Variants in ZFAND4 observed in about 807,000 individuals in gnomAD.
ZFAND4 encodes the protein zinc finger AN1-type containing 4, also known as AN1-type zinc finger protein 4.
Under a neutral mutation model 64.4 loss-of-function variants are expected in ZFAND4, and 43 were observed. The observed-to-expected ratio is 0.67, with a 90% confidence interval of 0.52 to 0.86. ZFAND4 has a LOEUF of 0.86. ZFAND4 is among the 40% of genes least tolerant of loss of function. The probability of loss-of-function intolerance (pLI) is 0.00; values close to 1 mark genes in which losing one functional copy is unlikely to be tolerated. For missense variants in ZFAND4, 929 were observed against 859.8 expected (o/e 1.08, Z -1.01); for synonymous variants, 296 against 305.7 (o/e 0.97, Z 0.33).
At chr10:45,652,433 A>ACT (rs2047817813) in intron 3 of ZFAND4, among the ~76,000 whole-genome samples, 1 of 152,212 alleles carries the variant, frequency 6.6e-6, no homozygotes, top group African/African-American at 2.4e-5. Context: ...GTGCTCTTAC[A>ACT]GCTATTCCAC....
At chr10:45,656,855 T>C (rs1327405036) in intron 2 of ZFAND4, among the ~76,000 whole-genome samples, 1 of 152,068 alleles carries the variant, frequency 6.6e-6, no homozygotes, top group Non-Finnish European at 1.5e-5. Flanking sequence ...TGAGAGGATG[T>C]AGAAAGAAAA....
At chr10:45,641,584 A>G (rs1214350208) in intron 5 of ZFAND4, among the ~76,000 whole-genome samples, 1 of 152,198 alleles carries the variant, frequency 6.6e-6, no homozygotes, top group Non-Finnish European at 1.5e-5. Flanking sequence ...CATCTGAAGG[A>G]AGAATGTAGG....
At chr10:45,627,485 C>T (rs2045915207) in intron 6 of ZFAND4, among the ~76,000 whole-genome samples, 1 of 148,096 alleles carries the variant, frequency 6.8e-6, no homozygotes, top group African/African-American at 2.5e-5. Flanking sequence ...AAAAAGTTAT[C>T]AATCCTAAAA....
chr10:45,633,351 A>G (rs543959334), intron 6 of ZFAND4, among the ~76,000 whole-genome samples: 17 of 152,276 alleles, frequency 1.1e-4, no homozygotes, highest in African/African-American at 4.1e-4. Context: ...ATAAAATGCT[A>G]TAAAGTAGAA....
At chr10:45,620,424 T>C (rs1008610572) in intron 8 of ZFAND4, among the ~76,000 whole-genome samples, 1 of 152,118 alleles carries the variant, frequency 6.6e-6, no homozygotes, top group East Asian at 1.9e-4. Context: ...GAGGTTGCAG[T>C]GAGCCGAGAT....
chr10:45,632,693 C>T (rs1180576230), intron 6 of ZFAND4, among the ~76,000 whole-genome samples: 3 of 152,076 alleles, frequency 2.0e-5, no homozygotes, highest in Admixed American at 2.0e-4. Context: ...CACCCTTACA[C>T]ATTCATATAT....
chr10:45,636,851 G>A (rs1426160597), intron 6 of ZFAND4, among the ~76,000 whole-genome samples: 8 of 152,014 alleles, frequency 5.3e-5, no homozygotes, highest in Non-Finnish European at 1.2e-4. Flanking sequence ...TTTGAGAGTG[G>A]GATGTAGAAA....
Position 45,626,174 on chromosome 10 carries a change from G to A in ZFAND4, c.1649C>T (p.Thr550Ile). 6.2e-7 allele frequency: 1 copy of A among 1,614,096 alleles called. No homozygotes were observed. Among genetic ancestry groups the A allele is most frequent in the Non-Finnish European group, 8.5e-7 (1 of 1,180,032 alleles). The change falls in exon 7 of 10, where the codon ACA (threonine) becomes ATA (isoleucine). Residue 550 changes from threonine (T) to isoleucine (I), a missense_variant. Physicochemically the swap from Thr to Ile is moderately conservative, Grantham distance 89 (BLOSUM62 -1). Transcript: ENST00000344646. The part of the protein sequence containing the change: ...VISKVEARDI[T>I]EMTNKASKEP... ...TTTGGAAGCCTTGTTAGTCATTTCT[G>A]TGATATCCCGAGCCTCAACTTTGGA...
intron 5 of ZFAND4, among the ~76,000 whole-genome samples, chr10:45,646,281 T>C (rs769480681): frequency 6.6e-6 from 1 of 152,214 alleles, no homozygotes; most frequent in African/African-American, 2.4e-5. Context: ...TGCTGTCTCT[T>C]GGCCTAAAAA....
intron 2 of ZFAND4, among the ~76,000 whole-genome samples, chr10:45,659,675 A>G (rs1302801974): frequency 1.5e-4 from 23 of 152,188 alleles, no homozygotes; most frequent in Non-Finnish European, 3.2e-4. Context: ...AAATTATCAG[A>G]CAGGGAAATT....
chr10:45,625,883 C>T, intron 7 of ZFAND4, 68 bp downstream of exon 7: 1 of 1,439,644 alleles, frequency 6.9e-7, no homozygotes, highest in South Asian at 1.4e-5. Context: ...TAAACAAAAA[C>T]CAAACTTTAA....
At chr10:45,628,403 G>C (rs765717113) in intron 6 of ZFAND4, among the ~76,000 whole-genome samples, 1 of 152,124 alleles carries the variant, frequency 6.6e-6, no homozygotes, top group Non-Finnish European at 1.5e-5. Context: ...CCACCTCCCG[G>C]GTTCAAGCAA....
intron 6 of ZFAND4, among the ~76,000 whole-genome samples, chr10:45,635,214 C>CAAAAAAAAAAAAAAAAAAAAAAAA (rs76130878): frequency 1.0e-4 from 7 of 68,278 alleles, no homozygotes; most frequent in East Asian, 4.2e-4. Flanking sequence ...AAAAAAAAAA[C>CAAAAAAAAAAAAAAAAAAAAAAAA]AAAAAAAAAA....
At chr10:45,622,266 A>G (rs921955441) in intron 8 of ZFAND4, among the ~76,000 whole-genome samples, 3 of 152,208 alleles carry the variant, frequency 2.0e-5, no homozygotes, top group Admixed American at 1.3e-4. Flanking sequence ...TGTTTCAACA[A>G]AAGTTAATAA....
chr10:45,656,301 T>C (rs768346125), intron 2 of ZFAND4, among the ~76,000 whole-genome samples: 24 of 148,022 alleles, frequency 1.6e-4, no homozygotes, highest in African/African-American at 3.0e-4. Flanking sequence ...TTCCAAAAGA[T>C]TGAAAAAGAG....
At chr10:45,620,144 T>C (rs1173941789) in intron 8 of ZFAND4, among the ~76,000 whole-genome samples, 1 of 152,144 alleles carries the variant, frequency 6.6e-6, no homozygotes, top group African/African-American at 2.4e-5. Flanking sequence ...TTTTCTTTTC[T>C]TAGGGGATGC....
In ZFAND4 at chr10:45,644,062, G is replaced by A. The variant is rs114023126; in HGVS notation, c.570-4099C>T. On this transcript the variant is annotated intron_variant, in intron 5 of 9. Coordinates refer to ENST00000344646, the MANE Select transcript of ZFAND4 (RefSeq NM_174890.4). ...CTTTTGCCTACAATGGCAGAGTTGA[G>A]TAGCTATGACAGACTTTATGTGGCT... 4.1e-3 allele frequency among the ~76,000 whole-genome samples: 627 copies of A among 152,336 alleles called. 3 individuals are homozygous for A. Among genetic ancestry groups the A allele is most frequent in the African/African-American group, 0.014 (596 of 41,576 alleles).
chr10:45,617,867 G>A, intron 9 of ZFAND4: 1 of 172,598 alleles, frequency 5.8e-6, no homozygotes, highest in South Asian at 1.9e-4. Context: ...CAAAATCCAA[G>A]CAGGTTCATC....
chr10:45,666,748 A>C (rs932387093), intron 1 of ZFAND4, among the ~76,000 whole-genome samples: 1 of 152,226 alleles, frequency 6.6e-6, no homozygotes, highest in African/African-American at 2.4e-5. Flanking sequence ...CAGTTGTTCC[A>C]GTATCATTTG....
Sources: gnomAD v4.1 joint callset for allele counts (sites outside exome capture counted in the v4.1 genomes callset) on GRCh38, gnomAD v4.1.1 for gene constraint, MANE v1.5 for transcripts, NCBI Gene and HGNC (gene_info 2026-07-23, HGNC 2026-07-21) for gene names.